Variants in HELLS observed in about 807,000 individuals in gnomAD.
The protein encoded by HELLS is lymphoid-specific helicase.
In HELLS, 32 loss-of-function variants were observed where a neutral mutation model predicts 120.0. The observed-to-expected ratio is 0.27, with a 90% CI of 0.20 to 0.36. HELLS has a LOEUF of 0.36. Ranked by LOEUF, HELLS falls within the 10% of genes least tolerant of loss-of-function variation. The pLI, the probability that HELLS is intolerant of heterozygous loss-of-function variation, is 1.00. For synonymous variants in HELLS, 341 were observed against 323.4 expected (o/e 1.05, Z -0.58); for missense variants, 650 against 993.4 (o/e 0.65, Z 4.65).
At chr10:94,548,915 A>C (rs1842858661) in intron 2 of HELLS, among the ~76,000 whole-genome samples, 1 of 151,912 alleles carries the variant, frequency 6.6e-6, no homozygotes. Flanking sequence ...AATTGCTTGA[A>C]CCCAGGAGGC....
chr10:94,563,744 C>T (rs1843661007), intron 6 of HELLS, among the ~76,000 whole-genome samples: 1 of 152,020 alleles, frequency 6.6e-6, no homozygotes, highest in South Asian at 2.1e-4. Context: ...TTTGCTTCAG[C>T]CTCCCAAACT....
chr10:94,571,515 GTTC>G, intron 7 of HELLS, 86 bp downstream of exon 7: 2 of 1,103,378 alleles, frequency 1.8e-6, no homozygotes, highest in South Asian at 1.5e-5. Context: ...AGCAGTATAC[GTTC>G]TTCTCACTAT....
intron 4 of HELLS, among the ~76,000 whole-genome samples, chr10:94,560,520 C>A (rs1051014243): frequency 6.6e-6 from 1 of 151,718 alleles, no homozygotes; most frequent in African/African-American, 2.4e-5. Flanking sequence ...CATGATGAGA[C>A]CCTGTCTCTG....
chr10:94,595,995 A>C (rs1392564617), intron 19 of HELLS, among the ~76,000 whole-genome samples: 2 of 151,484 alleles, frequency 1.3e-5, no homozygotes, highest in African/African-American at 2.4e-5. Flanking sequence ...AAAAAGCATA[A>C]TTTTTTTTTA....
rs376823158 is a variant in HELLS, at chr10:94,613,122, C to T, written c.*3271C>T. 1.7e-4 allele frequency: 26 copies of T among 152,314 alleles called. 1 individual carries two copies. The East Asian group carries it at 4.1e-3, about 24-fold the overall frequency. The allele number at this position is 152,314 out of a possible 1,614,324, so 9.4% of individuals were successfully genotyped here. On this transcript the variant is annotated 3_prime_UTR_variant, in exon 10 of 10. Coordinates refer to the HELLS transcript ENST00000371327. ...CTTACAGAACTATGCAAGAATTTCTCTGGTAAATTTCACTAAGTACTTATG... is the reference window on the plus strand; with the variant it reads ...CTTACAGAACTATGCAAGAATTTCTTTGGTAAATTTCACTAAGTACTTATG...
Position 94,588,361 on chromosome 10 carries a change from A to G in HELLS, c.1459A>G (p.Thr487Ala). The G allele has an allele frequency of 2.5e-6, 4 of 1,606,866 alleles. No individual in the cohort carries two copies. Among genetic ancestry groups the G allele is most frequent in the Non-Finnish European group, 3.4e-6 (4 of 1,176,924 alleles). ...EIFYTAIVNR[T>A]IANMFGSSEK... Reference sequence around the variant, plus strand: ...CTTTTATACAGCCATTGTGAACCGTACAATTGCAAACATGTTTGGATCCAG... The same window carrying G: ...CTTTTATACAGCCATTGTGAACCGTGCAATTGCAAACATGTTTGGATCCAG... The change falls in exon 13 of 22, where the codon ACA becomes GCA. Residue 487 changes from threonine (T) to alanine (A), a missense_variant. By Grantham distance (58) the Thr-to-Ala change is moderately conservative (BLOSUM62 0). Coordinates refer to ENST00000348459, the MANE Select transcript of HELLS (RefSeq NM_018063.5).
chr10:94,594,148 A>T (rs1453477897), intron 18 of HELLS, among the ~76,000 whole-genome samples: 4 of 151,966 alleles, frequency 2.6e-5, no homozygotes, highest in African/African-American at 9.7e-5. Flanking sequence ...TTCAGCTAAG[A>T]GTTATTTCTT....
chr10:94,573,661 G>A (rs906200858), intron 7 of HELLS, among the ~76,000 whole-genome samples: 3 of 151,606 alleles, frequency 2.0e-5, no homozygotes, highest in African/African-American at 4.8e-5. Context: ...ACAGGGTTTC[G>A]CCATGTTGTC....
chr10:94,590,496 C>T lies in HELLS; in HGVS notation c.1572C>T (p.Phe524=), dbSNP rs1461118922. Residue 524 remains phenylalanine, a synonymous_variant, in exon 14 of 22, where the codon TTC becomes TTT. Coordinates refer to ENST00000348459, the MANE Select transcript of HELLS (RefSeq NM_018063.5). ...KSINYSKIDD[F]PNELEKLISQ... ...TAAATTACAGCAAAATAGATGATTT[C>T]CCTAATGAATTGGAAAAACTGATCA... 1 of 1,611,974 alleles carries T rather than the reference C, an allele frequency of 6.2e-7. No homozygotes were observed. The highest frequency in any genetic ancestry group is 8.5e-7 in the Non-Finnish European group (1 of 1,179,518).
At chr10:94,574,795 G>T in intron 9 of HELLS, 59 bp downstream of exon 9, 5 of 1,342,334 alleles carry the variant, frequency 3.7e-6, no homozygotes, top group Non-Finnish European at 5.2e-6. Flanking sequence ...ATGCTTTGTT[G>T]TAGTAGGAAT....
rs148449824 is a variant in HELLS at position 94,600,108 on chromosome 10, C to T, written c.2423-1420C>T. On this transcript the variant is annotated intron_variant, in intron 21 of 21. Transcript: ENST00000348459. ...GAGTTAGAGACCAGCCTGGGCAACA[C>T]GGTGAAACCCTGTCTCTACTAAAAT... 7.7e-3 allele frequency among the ~76,000 whole-genome samples: 1,177 copies of T among 151,990 alleles called. 16 individuals are homozygous for T. The highest frequency in any genetic ancestry group is 0.027 in the African/African-American group (1,124 of 41,448).
At position 94,570,192 on chromosome 10, in the gene HELLS, C is replaced by G. The variant is rs532922600; in HGVS notation, c.436-1196C>G. On this transcript the variant is annotated intron_variant, in intron 6 of 21. Transcript: ENST00000348459. ...GAGTAGCTGGGACTACAGGCGTGTA[C>G]CACCAAGCCCAGCCAACATTTATAT... is the stretch of plus-strand genomic sequence containing the variant. The G allele has an allele frequency of 2.0e-5, 3 of 152,040 alleles. No homozygotes were observed. In the South Asian group the frequency reaches 6.2e-4, roughly 32 times the overall value. 9.4% of individuals were successfully genotyped at this position (152,040 alleles called of 1,614,324 possible).
At chr10:94,580,643 G>A (rs1200632220) in intron 10 of HELLS, among the ~76,000 whole-genome samples, 1 of 152,052 alleles carries the variant, frequency 6.6e-6, no homozygotes, top group Non-Finnish European at 1.5e-5. Context: ...CTTTTGGGAT[G>A]TATAAAGCAA....
intron 3 of HELLS, among the ~76,000 whole-genome samples, chr10:94,556,850 G>C (rs1843292672): frequency 6.6e-6 from 1 of 152,162 alleles, no homozygotes; most frequent in Non-Finnish European, 1.5e-5. Flanking sequence ...TTTCTGAAAA[G>C]TGAAAGTCCT....
intron 12 of HELLS, among the ~76,000 whole-genome samples, chr10:94,586,380 C>T (rs934400299): frequency 2.6e-5 from 4 of 152,316 alleles, no homozygotes; most frequent in Non-Finnish European, 5.9e-5. Flanking sequence ...CTTGGCCTCC[C>T]AAAGTGCTGG....
chr10:94,558,339 T>C (rs1486106144), intron 4 of HELLS, 144 bp downstream of exon 4: 1 of 1,004,476 alleles, frequency 1.0e-6, no homozygotes, highest in Non-Finnish European at 1.3e-6. Context: ...TGCAGAAACA[T>C]GTAAAATCTG....
chr10:94,597,391 G>A (rs1289542607), intron 21 of HELLS, among the ~76,000 whole-genome samples: 2 of 152,086 alleles, frequency 1.3e-5, no homozygotes, highest in African/African-American at 4.8e-5. Context: ...GAATACCAGT[G>A]CTTTGTTCTC....
chr10:94,611,475 T>A (rs1043491236), exon 10 of HELLS: 1 of 152,172 alleles, frequency 6.6e-6, no homozygotes, highest in African/African-American at 2.4e-5. Context: ...ATTAGTATAC[T>A]ACCAAAGAAA....
In HELLS at chr10:94,596,964, T is replaced by C; in HGVS notation, c.2345+8T>C. 6 of 1,473,490 alleles carry C rather than the reference T, an allele frequency of 4.1e-6. No homozygotes were observed. The highest frequency in any genetic ancestry group is 4.7e-6 in the Non-Finnish European group (5 of 1,059,364). The allele number at this position is 1,473,490 out of a possible 1,614,324, so 91.3% of individuals were successfully genotyped here. On this transcript the variant is annotated splice_region_variant and intron_variant, in intron 20 of 21. Transcript: ENST00000348459. ...ATCTAGAGATTATGAAAGGTGAGTT[T>C]TTAATTTTAGAAAGATTTAATTTGT...
Sources: allele counts gnomAD v4.1 joint callset (sites outside exome capture counted in the v4.1 genomes callset), GRCh38; gene constraint gnomAD v4.1.1; transcripts MANE v1.5; gene names NCBI Gene and HGNC (gene_info 2026-07-23, HGNC 2026-07-21).